The following RABEP1 variants were observed in gnomAD, a reference collection of about 807,000 sequenced individuals.
RABEP1 encodes rabaptin, RAB GTPase binding effector protein 1, also known as rab GTPase-binding effector protein 1.
RABEP1 carries 51 observed loss-of-function variants against 123.4 expected under a neutral mutation model. The observed-to-expected ratio is 0.41, with a 90% CI of 0.33 to 0.52. RABEP1 has a LOEUF of 0.52. Ranked by LOEUF, RABEP1 falls within the 20% of genes least tolerant of loss-of-function variation. The probability of loss-of-function intolerance (pLI) is 0.16; values close to 1 mark genes in which losing one functional copy is unlikely to be tolerated. For missense variants in RABEP1, 888 were observed against 996.3 expected (o/e 0.89, Z 1.46); for synonymous variants, 347 against 355.2 (o/e 0.98, Z 0.26).
At chr17:5,313,769 C>T (rs1295258011) in intron 2 of RABEP1, among the ~76,000 whole-genome samples, 1 of 151,988 alleles carries the variant, frequency 6.6e-6, no homozygotes, top group African/African-American at 2.4e-5. Context: ...TAGCTTTTTA[C>T]AAAATTTCAA....
intron 12 of RABEP1, chr17:5,371,104 C>T (rs1242838440): frequency 6.6e-6 from 1 of 152,184 alleles, no homozygotes; most frequent in African/African-American, 2.4e-5. Context: ...GTAGCTGGGA[C>T]TACATGCGCC....
chr17:5,372,432 C>CAGAGCG (rs915981520), intron 12 of RABEP1, among the ~76,000 whole-genome samples: 106 of 152,274 alleles, frequency 7.0e-4, no homozygotes, highest in East Asian at 9.7e-4. Context: ...GCCTGGGCTA[C>CAGAGCG]AGAGCGAGAC....
chr17:5,381,121 T>C (rs1371449734), intron 16 of RABEP1, among the ~76,000 whole-genome samples: 1 of 152,182 alleles, frequency 6.6e-6, no homozygotes, highest in African/African-American at 2.4e-5. Flanking sequence ...TTATCGTCAC[T>C]GTCACCAGCT....
intron 5 of RABEP1, among the ~76,000 whole-genome samples, chr17:5,346,303 G>A (rs115814545): frequency 0.013 from 1,919 of 152,264 alleles, 40 homozygotes; most frequent in African/African-American, 0.043. Context: ...TTACTTCCAT[G>A]AGTATATGTA....
chr17:5,315,272 AAT>A (rs1462027466), intron 2 of RABEP1, among the ~76,000 whole-genome samples: 2 of 152,234 alleles, frequency 1.3e-5, no homozygotes, highest in African/African-American at 2.4e-5. Flanking sequence ...TAGAAATTAA[AAT>A]AGTGTTTGCT....
chr17:5,355,486 CACTT>C (rs1478053241), intron 8 of RABEP1, among the ~76,000 whole-genome samples: 2 of 152,196 alleles, frequency 1.3e-5, no homozygotes, highest in African/African-American at 2.4e-5. Flanking sequence ...CTTCCAGCCT[CACTT>C]ACTGCTCTCC....
chr17:5,344,893 G>GT (rs1491136273), intron 5 of RABEP1, among the ~76,000 whole-genome samples: 1 of 151,916 alleles, frequency 6.6e-6, no homozygotes, highest in Non-Finnish European at 1.5e-5. Context: ...GGAGCCAGAG[G>GT]TTGACGTTGC....
chr17:5,287,638 C>T (rs961707989), intron 1 of RABEP1, among the ~76,000 whole-genome samples: 8 of 142,552 alleles, frequency 5.6e-5, no homozygotes, highest in African/African-American at 1.8e-4. Context: ...AAACACTGAG[C>T]GGGCGTGGTG....
intron 1 of RABEP1, among the ~76,000 whole-genome samples, chr17:5,287,598 CAAAAAAA>C (rs55858409): frequency 5.7e-4 from 35 of 61,186 alleles, no homozygotes; most frequent in South Asian, 1.7e-3. Context: ...GACTCTGTCG[CAAAAAAA>C]AAAAAAAAAA....
At chr17:5,361,111 T>C in intron 8 of RABEP1, 97 bp from the exon 9 acceptor site, 1 of 1,026,710 alleles carries the variant, frequency 9.7e-7, no homozygotes, top group Non-Finnish European at 1.4e-6. Context: ...TTAATGATTA[T>C]CATGTGTAAT....
rs376462884 is a variant in RABEP1, at chr17:5,385,699, G to A, written c.*2476G>A. The A allele has an allele frequency of 4.8e-5, 11 of 231,440 alleles. No individual in the cohort carries two copies. Among genetic ancestry groups the A allele is most frequent in the East Asian group, 4.3e-4 (7 of 16,260 alleles). 14.3% of individuals were successfully genotyped at this position (231,440 alleles called of 1,614,324 possible). ...TGAGCCAGCAGTGGCCTTTGCAATT[G>A]TGGATCTTGAGCTCTGCTCTCAGCA... On this transcript the variant is annotated 3_prime_UTR_variant, in exon 18 of 18. Coordinates refer to ENST00000537505, the MANE Select transcript of RABEP1 (RefSeq NM_004703.6).
intron 1 of RABEP1, among the ~76,000 whole-genome samples, chr17:5,289,923 T>C (rs1433301091): frequency 6.6e-6 from 1 of 152,214 alleles, no homozygotes; most frequent in Non-Finnish European, 1.5e-5. Flanking sequence ...GGTAATGGCC[T>C]TTAATTTTCA....
Position 5,378,204 on chromosome 17 carries a change from T to G in RABEP1, c.2243T>G (p.Leu748Ter). ...IASISSLKAE[L>*]ERIKVEKGQL... is the part of the protein sequence containing the mutation. ...TCTATTTCTAGCCTAAAAGCTGAAT[T>G]AGAAAGAATAAAAGTGGAAAAAGGA... The change falls in exon 15 of 18, where the codon TTA becomes TGA. Residue 748 changes from leucine (L) to a stop codon, truncating the protein, a stop_gained. Coordinates refer to ENST00000537505, the MANE Select transcript of RABEP1 (RefSeq NM_004703.6). LOFTEE classifies it high-confidence loss of function. 6.3e-7 allele frequency: 1 copy of G among 1,592,756 alleles called. No homozygotes were observed. Among genetic ancestry groups the G allele is most frequent in the Non-Finnish European group, 8.6e-7 (1 of 1,160,704 alleles).
chr17:5,336,610 A>G, intron 4 of RABEP1: 1 of 389,680 alleles, frequency 2.6e-6, no homozygotes, highest in African/African-American at 2.2e-5. Flanking sequence ...AGTGCTTTTT[A>G]AAGGTTTTGT....
chr17:5,282,389 G>A lies in RABEP1; in HGVS notation c.-98G>A. The A allele has an allele frequency of 1.0e-6, 1 of 997,556 alleles. No homozygotes were observed. The highest frequency in any genetic ancestry group is 3.2e-5 in the East Asian group (1 of 30,822). The allele number at this position is 997,556 out of a possible 1,614,324, so 61.8% of individuals were successfully genotyped here. ...CGGTTTCTCTCTGGGCGGCGGCGGC[G>A]GCGGCTCGGTTGACGCCTCCTCCGC... is the stretch of plus-strand genomic sequence containing the variant. On this transcript the variant is annotated 5_prime_UTR_variant, in exon 1 of 18. Transcript: ENST00000537505.
chr17:5,314,950 G>C (rs1244846260), intron 2 of RABEP1, among the ~76,000 whole-genome samples: 4 of 152,210 alleles, frequency 2.6e-5, no homozygotes, highest in African/African-American at 9.6e-5. Context: ...TTGGCAATGA[G>C]TAAGAGACGG....
rs74251836 is a variant in RABEP1 at position 5,380,664 on chromosome 17, C to G, written c.2370+202C>G. ...AAATCTTTTCTGCCAGGTCTGGAGGCCTGCGTCATAGGCTAGCTTCAGATA... is the reference window on the plus strand; with the variant it reads ...AAATCTTTTCTGCCAGGTCTGGAGGGCTGCGTCATAGGCTAGCTTCAGATA... On this transcript the variant is annotated intron_variant, in intron 16 of 17. Coordinates refer to ENST00000537505, the MANE Select transcript of RABEP1 (RefSeq NM_004703.6). 2.5e-3 allele frequency: 1,486 copies of G among 583,350 alleles called. 47 individuals carry two copies. In the East Asian group the frequency reaches 0.039, roughly 15 times the overall value. 36.1% of individuals were successfully genotyped at this position (583,350 alleles called of 1,614,324 possible).
chr17:5,348,547 G>A (rs1383483102), intron 6 of RABEP1, among the ~76,000 whole-genome samples: 1 of 151,962 alleles, frequency 6.6e-6, no homozygotes, highest in Non-Finnish European at 1.5e-5. Context: ...CGGATCCTCT[G>A]AAGGTTTTTT....
rs1331064508 is a variant in RABEP1, at chr17:5,282,297, G to A, written c.-190G>A. The A allele has an allele frequency of 2.4e-6, 1 of 410,114 alleles. No homozygotes were observed. Among genetic ancestry groups the A allele is most frequent in the Non-Finnish European group, 4.2e-6 (1 of 235,306 alleles). The allele number at this position is 410,114 out of a possible 1,614,324, so 25.4% of individuals were successfully genotyped here. On this transcript the variant is annotated 5_prime_UTR_variant, in exon 1 of 18. Transcript: ENST00000537505. Reference sequence around the variant, plus strand: ...TTATTTCCCGCTGTCAGGATGAGGAGGCGGAGGTCGGCGGTCGGGTCCGTC... The same window carrying A: ...TTATTTCCCGCTGTCAGGATGAGGAAGCGGAGGTCGGCGGTCGGGTCCGTC...
Sources: gnomAD v4.1 joint callset for allele counts (sites outside exome capture counted in the v4.1 genomes callset) on GRCh38, gnomAD v4.1.1 for gene constraint, MANE v1.5 for transcripts, NCBI Gene and HGNC (gene_info 2026-07-23, HGNC 2026-07-21) for gene names.